The following DCC variants were observed in gnomAD, a reference collection of about 807,000 sequenced individuals.
The protein encoded by DCC is netrin receptor DCC.
In DCC, 58 loss-of-function variants were observed where a neutral mutation model predicts 172.5. The observed-to-expected ratio is 0.34, with a 90% CI of 0.27 to 0.42. DCC has a LOEUF of 0.42. DCC is among the 10% of genes least tolerant of loss of function. DCC has a pLI of 1.00. For missense variants in DCC, 1,740 were observed against 1,791.0 expected, an observed-to-expected ratio of 0.97 and a Z score of 0.51; for synonymous variants, 709 against 644.5, an observed-to-expected ratio of 1.10 and a Z score of -1.52.
intron 2 of DCC, among the ~76,000 whole-genome samples, chr18:52,768,935 A>G (rs144760495): frequency 6.6e-6 from 1 of 152,300 alleles, no homozygotes; most frequent in East Asian, 1.9e-4. Context: ...TTGATATCAG[A>G]CCTTAAAATG....
At chr18:52,777,779 A>G (rs1475849006) in intron 2 of DCC, among the ~76,000 whole-genome samples, 1 of 151,360 alleles carries the variant, frequency 6.6e-6, no homozygotes, top group East Asian at 1.9e-4. Context: ...GGAAAAAAAA[A>G]GATTTGGTAG....
chr18:52,842,102 T>G (rs1266442298), intron 2 of DCC, among the ~76,000 whole-genome samples: 1 of 152,146 alleles, frequency 6.6e-6, no homozygotes, highest in Non-Finnish European at 1.5e-5. Flanking sequence ...ACAATCAAAT[T>G]ATCAAAACTT....
intron 1 of DCC, among the ~76,000 whole-genome samples, chr18:52,495,090 A>G (rs886949166): frequency 5.3e-5 from 8 of 152,042 alleles, no homozygotes; most frequent in Non-Finnish European, 1.2e-4. Context: ...GCCTACTAAG[A>G]TCAACTGGGC....
chr18:52,656,387 A>G (rs2035255726), intron 1 of DCC, among the ~76,000 whole-genome samples: 1 of 152,108 alleles, frequency 6.6e-6, no homozygotes, highest in Non-Finnish European at 1.5e-5. Context: ...CCCTCACCAG[A>G]CATTCAATCC....
chr18:52,781,291 A>G (rs902302738), intron 2 of DCC, among the ~76,000 whole-genome samples: 1 of 152,144 alleles, frequency 6.6e-6, no homozygotes, highest in Non-Finnish European at 1.5e-5. Flanking sequence ...GTTATCACAC[A>G]GAATAGTGCG....
intron 22 of DCC, among the ~76,000 whole-genome samples, chr18:53,439,637 A>T (rs1599152817): frequency 6.6e-6 from 1 of 152,214 alleles, no homozygotes; most frequent in Admixed American, 6.5e-5. Flanking sequence ...AAGAAAAACC[A>T]AACTATAGTT....
chr18:53,091,158 G>A (rs1308219888), intron 7 of DCC, among the ~76,000 whole-genome samples: 2 of 151,922 alleles, frequency 1.3e-5, no homozygotes, highest in Admixed American at 6.6e-5. Context: ...GCTGAAGAAC[G>A]TAAATTAGAC....
rs765447173 is a variant in DCC at position 52,923,777 on chromosome 18, T to C, written c.768T>C (p.Asp256=). The change falls in exon 4 of 29, where the codon GAT becomes GAC. Residue 256 remains aspartate, a synonymous_variant. Transcript: ENST00000442544. ...ATGTAGTAGCCATTGAAGGAAAAGA[T>C]GCTGTCCTGGAATGTTGTGTTTCTG... is the stretch of plus-strand genomic sequence containing the variant. ...PSNVVAIEGK[D]AVLECCVSGY... 8 of 1,612,830 alleles carry C rather than the reference T, an allele frequency of 5.0e-6. No homozygotes were observed. The highest frequency in any genetic ancestry group is 6.8e-6 in the Non-Finnish European group (8 of 1,179,010).
At chr18:52,404,769 G>T (rs576112079) in intron 1 of DCC, among the ~76,000 whole-genome samples, 1 of 149,482 alleles carries the variant, frequency 6.7e-6, no homozygotes, top group Non-Finnish European at 1.5e-5. Flanking sequence ...CCACTAACTC[G>T]TCATCTAGCA....
At chr18:53,156,936 C>T (rs4372758) in intron 7 of DCC, among the ~76,000 whole-genome samples, 92,685 of 152,014 alleles carry the variant, frequency 0.61, 29,046 homozygotes, top group South Asian at 0.76. Flanking sequence ...CATTTTCTAT[C>T]ATCAGTTAAA....
intron 2 of DCC, among the ~76,000 whole-genome samples, chr18:52,817,634 A>AT (rs1441197877): frequency 3.3e-5 from 5 of 152,232 alleles, no homozygotes; most frequent in Non-Finnish European, 7.4e-5. Flanking sequence ...GATGACAATG[A>AT]TTTTTTTCAA....
rs750260659 is a variant in DCC at position 52,752,344 on chromosome 18, A to T, written c.382A>T (p.Ile128Phe). The change falls in exon 2 of 29, where the codon ATT becomes TTT. Residue 128 changes from isoleucine to phenylalanine, a missense_variant. Ile to Phe is a conservative substitution (Grantham distance 21). Around this residue, in one of 2 missense-constraint regions of DCC, gnomAD observed 1,732 missense variants for 1,767.4 expected, o/e 0.98. Transcript: ENST00000442544. Reference protein sequence around the residue: ...EASLGDSGSIISRTAKVAVAG... With the variant: ...EASLGDSGSIFSRTAKVAVAG... ...ATCTTTAGGAGATTCTGGCTCAATT[A>T]TTAGTCGGACAGCAAAAGTTGCAGT... 6.2e-7 allele frequency: 1 copy of T among 1,614,192 alleles called. No individual in the cohort carries two copies. The highest frequency in any genetic ancestry group is 1.1e-5 in the South Asian group (1 of 91,088).
chr18:53,064,099 A>G (rs1045702401), intron 6 of DCC, among the ~76,000 whole-genome samples: 1 of 152,170 alleles, frequency 6.6e-6, no homozygotes, highest in African/African-American at 2.4e-5. Context: ...AATAACTTCT[A>G]TGGTTTACTA....
intron 2 of DCC, among the ~76,000 whole-genome samples, chr18:52,761,908 C>CAAAAAAAAAAAA (rs1222086354): frequency 2.1e-5 from 1 of 48,328 alleles, no homozygotes. Context: ...GACTCTGTCT[C>CAAAAAAAAAAAA]AAAAAAAAAA....
intron 1 of DCC, among the ~76,000 whole-genome samples, chr18:52,632,436 G>A (rs189442723): frequency 1.4e-4 from 22 of 152,274 alleles, no homozygotes; most frequent in Non-Finnish European, 2.5e-4. Flanking sequence ...ACTTGCATGC[G>A]TAATAAAGCA....
intron 1 of DCC, among the ~76,000 whole-genome samples, chr18:52,403,313 G>T (rs1489470974): frequency 6.6e-6 from 1 of 151,984 alleles, no homozygotes; most frequent in East Asian, 1.9e-4. Context: ...TATAAGGGAA[G>T]CAGAGATAAG....
At chr18:52,574,873 A>C (rs920237435) in intron 1 of DCC, among the ~76,000 whole-genome samples, 21 of 152,290 alleles carry the variant, frequency 1.4e-4, no homozygotes, top group African/African-American at 4.6e-4. Flanking sequence ...TCATATGTGA[A>C]TAGGCTTCCA....
chr18:53,279,749 C>T (rs1215531230), intron 12 of DCC, among the ~76,000 whole-genome samples: 4 of 151,444 alleles, frequency 2.6e-5, no homozygotes, highest in Admixed American at 6.6e-5. Context: ...GAATACTACA[C>T]AATCATAAAA....
chr18:52,607,363 A>G (rs1435627228), intron 1 of DCC, among the ~76,000 whole-genome samples: 6 of 152,186 alleles, frequency 3.9e-5, no homozygotes, highest in African/African-American at 1.4e-4. Flanking sequence ...ATATCCAGGT[A>G]CAGTGAGCAC....
Sources: allele counts gnomAD v4.1 joint callset (sites outside exome capture counted in the v4.1 genomes callset), GRCh38; gene constraint gnomAD v4.1.1; regional missense constraint gnomAD v4.1.1; transcripts MANE v1.5; gene names NCBI Gene and HGNC (gene_info 2026-07-23, HGNC 2026-07-21).